MTUS2: variants seen among roughly 807,000 people sequenced by gnomAD.
The protein encoded by MTUS2 is microtubule-associated tumor suppressor candidate 2.
In MTUS2, 40 loss-of-function variants were observed where a neutral mutation model predicts 114.1. The observed-to-expected ratio is 0.35, with a 90% CI of 0.27 to 0.46. The LOEUF is 0.46. Among genes scored for constraint, MTUS2 ranks in the 20% least tolerant of loss-of-function variants. The pLI, the probability that MTUS2 is intolerant of heterozygous loss-of-function variation, is 1.00. For missense variants in MTUS2, 1,679 were observed against 1,705.4 expected, an observed-to-expected ratio of 0.98 and a Z score of 0.27; for synonymous variants, 688 against 672.0, an observed-to-expected ratio of 1.02 and a Z score of -0.37.
intron 2 of MTUS2, among the ~76,000 whole-genome samples, chr13:28,916,446 A>AT (rs1295260077): frequency 2.0e-5 from 3 of 151,760 alleles, no homozygotes; most frequent in South Asian, 2.1e-4. Flanking sequence ...ATATCTTTCC[A>AT]TTTTTTATGT....
chr13:29,334,014 G>T (rs913128652), intron 7 of MTUS2, among the ~76,000 whole-genome samples: 3 of 151,996 alleles, frequency 2.0e-5, no homozygotes, highest in African/African-American at 7.2e-5. Context: ...TGCAACCCCT[G>T]TTTTTTTGTT....
At chr13:29,375,588 CGT>C (rs1491258888) in intron 8 of MTUS2, among the ~76,000 whole-genome samples, 1 of 3,356 alleles carries the variant, frequency 3.0e-4, no homozygotes, top group Non-Finnish European at 6.3e-4. Flanking sequence ...TATATATATA[CGT>C]ATATATATAT....
Position 29,497,832 on chromosome 13 carries a change from A to G in MTUS2, c.3678+496A>G, listed in dbSNP as rs116041503. The G allele has an allele frequency of 3.1e-3, 545 of 175,698 alleles. 4 individuals carry two copies. The highest frequency in any genetic ancestry group is 0.012 in the African/African-American group (529 of 42,420). The allele number at this position is 175,698 out of a possible 1,614,324, so 10.9% of individuals were successfully genotyped here. On this transcript the variant is annotated intron_variant, in intron 13 of 15. Coordinates refer to ENST00000612955, the MANE Select transcript of MTUS2 (RefSeq NM_001033602.4). Reference sequence around the variant, plus strand: ...ATTACAGATAAATAAATTTTTGAGTATAAGTATGTCCCATGCAATACTTAT... The same window carrying G: ...ATTACAGATAAATAAATTTTTGAGTGTAAGTATGTCCCATGCAATACTTAT...
intron 4 of MTUS2, among the ~76,000 whole-genome samples, chr13:29,043,305 T>A (rs1374469815): frequency 2.0e-5 from 3 of 152,200 alleles, no homozygotes; most frequent in Non-Finnish European, 4.4e-5. Context: ...GAGTACTTGA[T>A]ATAATTTCAA....
At chr13:29,214,041 C>G (rs534498070) in intron 5 of MTUS2, among the ~76,000 whole-genome samples, 1 of 151,924 alleles carries the variant, frequency 6.6e-6, no homozygotes, top group East Asian at 1.9e-4. Context: ...CTTTAACTTT[C>G]TAGCTTCAAG....
In MTUS2 at chr13:29,026,159, G is replaced by A. The variant is rs1233174526; in HGVS notation, c.1461G>A (p.Leu487=). ...GENKTEVPEP[L]DPQSGRSEAR... is the part of the protein sequence containing the mutation. ...ACAAGACGGAGGTGCCTGAGCCCCTGGACCCTCAAAGTGGCCGCTCAGAAG... is the reference window on the plus strand; with the variant it reads ...ACAAGACGGAGGTGCCTGAGCCCCTAGACCCTCAAAGTGGCCGCTCAGAAG... Residue 487 remains leucine, a synonymous_variant, in exon 3 of 16, where the codon CTG becomes CTA. Transcript: ENST00000612955. The A allele has an allele frequency of 6.2e-7, 1 of 1,613,970 alleles. No homozygotes were observed. The highest frequency in any genetic ancestry group is 1.7e-5 in the Admixed American group (1 of 60,016).
In MTUS2 at chr13:29,025,291, T is replaced by C; in HGVS notation, c.593T>C (p.Leu198Pro). The part of the protein sequence containing the change: ...GSLTPQHPQP[L>P]SLDSREARGQ... ...CTGACTCCGCAGCATCCACAGCCTC[T>C]ATCCCTCGACTCCCGGGAAGCACGG... The change falls in exon 3 of 16, where the codon CTA becomes CCA. Residue 198 changes from leucine to proline, a missense_variant. This residue lies in a region of MTUS2 where 843 missense variants were observed against 770.8 expected (regional missense o/e 1.09). Transcript: ENST00000612955. 6.2e-7 allele frequency: 1 copy of C among 1,613,950 alleles called. No homozygotes were observed. The highest frequency in any genetic ancestry group is 8.5e-7 in the Non-Finnish European group (1 of 1,179,894).
intron 9 of MTUS2, among the ~76,000 whole-genome samples, chr13:29,452,556 G>T (rs1218182032): frequency 1.6e-5 from 2 of 128,052 alleles, no homozygotes; most frequent in Non-Finnish European, 3.2e-5. Context: ...ACACCCAACT[G>T]TGTATATATA....
rs1878435971 is a variant in MTUS2, at chr13:28,883,866, AAGTT to A, written c.-243+44019_-243+44022del. On this transcript the variant is annotated intron_variant, in intron 2 of 15. Coordinates refer to ENST00000612955, the MANE Select transcript of MTUS2 (RefSeq NM_001033602.4). ...CCCATTATAATGGCAATTATTTAGAAAGTTAGGGAAGTTAGGGAAATAAAAAGTG... is the reference window on the plus strand; with the variant it reads ...CCCATTATAATGGCAATTATTTAGAAAGGGAAGTTAGGGAAATAAAAAGTG... 2.0e-5 allele frequency among the ~76,000 whole-genome samples: 3 copies of A among 152,190 alleles called. No individual in the cohort carries two copies. In the South Asian group the frequency reaches 6.2e-4, roughly 32 times the overall value.
At chr13:28,871,874 A>G (rs1179476375) in intron 2 of MTUS2, among the ~76,000 whole-genome samples, 1 of 152,132 alleles carries the variant, frequency 6.6e-6, no homozygotes, top group Admixed American at 6.5e-5. Flanking sequence ...GCCCAGGTAG[A>G]CAGAAAAGCA....
chr13:29,108,447 AAAT>A (rs1440900555), intron 5 of MTUS2, among the ~76,000 whole-genome samples: 1 of 152,238 alleles, frequency 6.6e-6, no homozygotes, highest in East Asian at 1.9e-4. Context: ...TTTATAGTAC[AAAT>A]AATGTCTAGT....
At chr13:29,482,930 G>A (rs1358913666) in intron 10 of MTUS2, among the ~76,000 whole-genome samples, 1 of 152,224 alleles carries the variant, frequency 6.6e-6, no homozygotes, top group Non-Finnish European at 1.5e-5. Context: ...AGAACATGCA[G>A]GAAGTGAGGA....
At chr13:28,949,076 T>A (rs1309414666) in intron 2 of MTUS2, among the ~76,000 whole-genome samples, 1 of 141,696 alleles carries the variant, frequency 7.1e-6, no homozygotes, top group Non-Finnish European at 1.6e-5. Flanking sequence ...AATGTTTAAA[T>A]TTTTTTTTCC....
At chr13:29,410,100 C>T (rs1275444600) in intron 8 of MTUS2, among the ~76,000 whole-genome samples, 1 of 150,606 alleles carries the variant, frequency 6.6e-6, no homozygotes, top group Non-Finnish European at 1.5e-5. Flanking sequence ...TTTCCTCGAA[C>T]CCTTGCCCAT....
intron 2 of MTUS2, among the ~76,000 whole-genome samples, chr13:28,852,781 C>T (rs1231326521): frequency 6.6e-6 from 1 of 152,064 alleles, no homozygotes; most frequent in East Asian, 1.9e-4. Flanking sequence ...GGGAGAATTG[C>T]TTGAACCTGG....
At chr13:29,411,994 G>T (rs1342801278) in intron 8 of MTUS2, among the ~76,000 whole-genome samples, 7 of 152,052 alleles carry the variant, frequency 4.6e-5, no homozygotes. Context: ...ATTTTGTAGG[G>T]CTTTGTAGTT....
At chr13:29,237,017 A>G (rs570291111) in intron 5 of MTUS2, among the ~76,000 whole-genome samples, 1 of 152,134 alleles carries the variant, frequency 6.6e-6, no homozygotes, top group Non-Finnish European at 1.5e-5. Context: ...CCCATTAAAT[A>G]TTTGTTATTT....
intron 7 of MTUS2, among the ~76,000 whole-genome samples, chr13:29,350,830 T>C (rs1410214545): frequency 2.7e-5 from 4 of 150,832 alleles, no homozygotes; most frequent in Admixed American, 6.6e-5. Context: ...AGATAGATTA[T>C]TGCTCTCATA....
At chr13:29,440,203 A>G (rs912709453) in intron 9 of MTUS2, among the ~76,000 whole-genome samples, 154 bp downstream of exon 9, 1 of 152,240 alleles carries the variant, frequency 6.6e-6, no homozygotes, top group Admixed American at 6.5e-5. Flanking sequence ...GGGCTGCTGT[A>G]GCCTTAGCGG....
Sources: gnomAD v4.1 joint callset for allele counts (sites outside exome capture counted in the v4.1 genomes callset) on GRCh38, gnomAD v4.1.1 for gene constraint, gnomAD v4.1.1 regional missense constraint, MANE v1.5 for transcripts, NCBI Gene and HGNC (gene_info 2026-07-23, HGNC 2026-07-21) for gene names.